Variants in COL3A1 observed in about 807,000 individuals in gnomAD.
COL3A1 encodes collagen alpha-1(III) chain.
In COL3A1, 46 loss-of-function variants were observed where a neutral mutation model predicts 200.9. That is an observed-to-expected ratio of 0.23 (90% CI 0.18 to 0.29). The LOEUF is 0.29. Among genes scored for constraint, COL3A1 ranks in the 10% least tolerant of loss-of-function variants. COL3A1 has a pLI of 1.00. For synonymous variants in COL3A1, 650 were observed against 628.0 expected (o/e 1.03, Z -0.52); for missense variants, 1,367 against 1,917.6 (o/e 0.71, Z 5.36).
At chr2:188,985,548 G>GA in intron 3 of COL3A1, 117 bp from the exon 4 acceptor site, 1 of 725,402 alleles carries the variant, frequency 1.4e-6, no homozygotes, top group Non-Finnish European at 2.3e-6. Context: ...GTGTTATAAA[G>GA]AAAATATATT....
chr2:188,995,144 A>C, intron 21 of COL3A1, 45 bp downstream of exon 21: 1 of 1,532,568 alleles, frequency 6.5e-7, no homozygotes, highest in Non-Finnish European at 9.0e-7. Context: ...AGCACCACAA[A>C]TGGGCAGTTC....
chr2:188,985,682 T>C lies in COL3A1; in HGVS notation c.351T>C (p.Pro117=), dbSNP rs1688051800. 1.9e-6 allele frequency: 3 copies of C among 1,610,140 alleles called. No homozygotes were observed. Among genetic ancestry groups the C allele is most frequent in the African/African-American group, 1.3e-5 (1 of 74,860 alleles). ...PKGDPGPPGI[P]GRNGDPGIPG... ...TTTTTTAGGGCCCTCCTGGTATTCC[T>C]GGGAGAAATGGTGACCCTGGTATTC... Residue 117 remains proline, a synonymous_variant, in exon 4 of 51, where the codon CCT becomes CCC. Coordinates refer to ENST00000304636, the MANE Select transcript of COL3A1 (RefSeq NM_000090.4).
At chr2:188,981,170 G>C (rs958984384) in intron 1 of COL3A1, among the ~76,000 whole-genome samples, 1 of 151,416 alleles carries the variant, frequency 6.6e-6, no homozygotes, top group Non-Finnish European at 1.5e-5. Flanking sequence ...TCACAAAATA[G>C]TAAGCTTTAT....
Position 189,012,287 on chromosome 2 carries a change from G to A in COL3A1, c.*513G>A, listed in dbSNP as rs1206044440. On this transcript the variant is annotated 3_prime_UTR_variant, in exon 51 of 51. Coordinates refer to ENST00000304636, the MANE Select transcript of COL3A1 (RefSeq NM_000090.4). ...ATAAATTTCATTGATTAATCTCCTG[G>A]AAGATTGGTTTAAAAAGAAAAGTGT... is the stretch of plus-strand genomic sequence containing the variant. The A allele has an allele frequency of 1.3e-5, 2 of 152,802 alleles. No individual in the cohort carries two copies. The highest frequency in any genetic ancestry group is 4.8e-5 in the African/African-American group (2 of 41,426). 9.5% of individuals were successfully genotyped at this position (152,802 alleles called of 1,614,324 possible).
Position 188,997,740 on chromosome 2 carries a change from C to T in COL3A1, c.1910C>T (p.Pro637Leu), listed in dbSNP as rs1443018018. ...GDKGDTGPPGPQGLQGLPGTG... is the reference protein window; with the variant it reads ...GDKGDTGPPGLQGLQGLPGTG... Reference sequence around the variant, plus strand: ...AAAGGAGACACAGGACCCCCTGGTCCACAAGGATTACAAGTAAGAACTTGT... The same window carrying T: ...AAAGGAGACACAGGACCCCCTGGTCTACAAGGATTACAAGTAAGAACTTGT... The change falls in exon 27 of 51, where the codon CCA becomes CTA. Residue 637 changes from proline (P) to leucine (L), a missense_variant. By Grantham distance (98) the Pro-to-Leu change is moderately conservative. Around this residue, in one of 5 missense-constraint regions of COL3A1, gnomAD observed 846 missense variants for 1,147.9 expected, o/e 0.74. Coordinates refer to ENST00000304636, the MANE Select transcript of COL3A1 (RefSeq NM_000090.4). The T allele has an allele frequency of 1.2e-6, 2 of 1,613,986 alleles. No homozygotes were observed. Among genetic ancestry groups the T allele is most frequent in the Admixed American group, 3.3e-5 (2 of 60,016 alleles).
chr2:188,995,343 T>C (rs144051743), intron 21 of COL3A1, among the ~76,000 whole-genome samples: 1 of 152,306 alleles, frequency 6.6e-6, no homozygotes, highest in African/African-American at 2.4e-5. Flanking sequence ...CTGAGCATCG[T>C]TGCAAGAGTA....
chr2:188,995,910 C>T, intron 22 of COL3A1, 120 bp downstream of exon 22: 1 of 1,029,734 alleles, frequency 9.7e-7, no homozygotes, highest in South Asian at 1.5e-5. Context: ...AGGCACCAAA[C>T]AAAACAAAAT....
chr2:188,989,363 A>T, intron 7 of COL3A1, 33 bp from the exon 8 acceptor site: 1 of 1,515,662 alleles, frequency 6.6e-7, no homozygotes, highest in Non-Finnish European at 9.0e-7. Flanking sequence ...AAAAATTTAC[A>T]AATCTATTCA....
In COL3A1 at chr2:188,994,662, T is replaced by C; in HGVS notation, c.1348-62T>C. 1 of 1,612,266 alleles carries C rather than the reference T, an allele frequency of 6.2e-7. No individual in the cohort carries two copies. Among genetic ancestry groups the C allele is most frequent in the Non-Finnish European group, 8.5e-7 (1 of 1,178,566 alleles). ...GCAACATAATTAGAAAGTAAACAGG[T>C]AAAAACTTTGAACTAAATTCAGTCA... On this transcript the variant is annotated intron_variant, in intron 19 of 50. Transcript: ENST00000304636. This position sits in a 1 kb window ranked among gnomAD's most constrained non-coding sequence, Gnocchi z 4.5.
At chr2:189,001,724 A>G in intron 34 of COL3A1, 135 bp downstream of exon 34, 3 of 864,040 alleles carry the variant, frequency 3.5e-6, no homozygotes, top group Non-Finnish European at 5.8e-6. Context: ...AAACCATATA[A>G]GGAACCATAT....
In COL3A1 at chr2:189,004,137, C is replaced by T; in HGVS notation, c.2817C>T (p.Gly939=). 1 of 1,613,888 alleles carries T rather than the reference C, an allele frequency of 6.2e-7. No homozygotes were observed. The highest frequency in any genetic ancestry group is 8.5e-7 in the Non-Finnish European group (1 of 1,179,980). The change falls in exon 39 of 51, where the codon GGC becomes GGT. Residue 939 remains glycine, a synonymous_variant. Coordinates refer to ENST00000304636, the MANE Select transcript of COL3A1 (RefSeq NM_000090.4). The stretch of plus-strand genomic sequence containing the variant: ...AGAAGGGATCGCCTGGTGCCCAGGG[C>T]CCACCAGTAAGTAACTTCATTTTTT... ...PGEKGSPGAQ[G]PPGAPGPLGI...
rs1239969921 is a variant in COL3A1 at position 188,985,164 on chromosome 2, TCTTGTTTAA to T, written c.283-25_283-17del. 5 of 1,603,488 alleles carry T rather than the reference TCTTGTTTAA, an allele frequency of 3.1e-6. No homozygotes were observed. The Middle Eastern group carries it at 5.0e-4, about 159-fold the overall frequency. On this transcript the variant is annotated intron_variant, in intron 2 of 50. Coordinates refer to ENST00000304636, the MANE Select transcript of COL3A1 (RefSeq NM_000090.4). ...TACTAAATAATATGCAAATTCTGTG[TCTTGTTTAA>T]CTTGTTTCTTTTCCATTTATTAGCC...
intron 1 of COL3A1, among the ~76,000 whole-genome samples, chr2:188,976,396 A>G (rs902734319): frequency 2.0e-5 from 3 of 152,090 alleles, no homozygotes; most frequent in African/African-American, 7.2e-5. Context: ...TTTTGCTGAT[A>G]TGTGTTTGTG....
Position 188,994,274 on chromosome 2 carries a change from C to A in COL3A1, c.1235C>A (p.Ala412Asp), listed in dbSNP as rs1057519250. 10 of 1,613,792 alleles carry A rather than the reference C, an allele frequency of 6.2e-6. No homozygotes were observed. The African/African-American group carries it at 1.1e-4, about 17-fold the overall frequency. ...CCTGGAGCTCCTGGACTGATGGGAG[C>A]CCGGGGTCCTCCAGGACCAGCCGGT... ...GIPGAPGLMGARGPPGPAGAN... is the reference protein window; with the variant it reads ...GIPGAPGLMGDRGPPGPAGAN... Residue 412 changes from alanine to aspartate, a missense_variant, in exon 18 of 51, where the codon GCC becomes GAC. Ala to Asp is a moderately radical substitution (Grantham distance 126, BLOSUM62 -2). Transcript: ENST00000304636. This position sits in a 1 kb window ranked among gnomAD's most constrained non-coding sequence, Gnocchi z 4.5.
At chr2:189,004,437 G>C (rs1162650632) in intron 40 of COL3A1, 73 bp downstream of exon 40, 1 of 1,406,754 alleles carries the variant, frequency 7.1e-7, no homozygotes, top group Admixed American at 2.1e-5. Flanking sequence ...CCATATCAAG[G>C]ATGAAAAGTT....
At chr2:189,003,917 T>A in intron 38 of COL3A1, 65 bp from the exon 39 acceptor site, 1 of 1,567,410 alleles carries the variant, frequency 6.4e-7, no homozygotes. Flanking sequence ...TTGAAGTAAG[T>A]AAAAAAAGAA....
intron 49 of COL3A1, 126 bp downstream of exon 49, chr2:189,010,491 G>C (rs1688697859): frequency 5.4e-6 from 8 of 1,475,820 alleles, no homozygotes; most frequent in Non-Finnish European, 7.5e-6. Flanking sequence ...GCTACTGAAA[G>C]TGATGGCATG....
At chr2:188,990,073 G>T in intron 8 of COL3A1, 23 bp from the exon 9 acceptor site, 1 of 1,611,208 alleles carries the variant, frequency 6.2e-7, no homozygotes, top group South Asian at 1.1e-5. Flanking sequence ...GAGCACCTAC[G>T]TATTCTTTAT....
At chr2:188,986,187 T>C (rs941513547) in intron 4 of COL3A1, among the ~76,000 whole-genome samples, 67 of 152,054 alleles carry the variant, frequency 4.4e-4, no homozygotes, top group Admixed American at 3.9e-3. Context: ...GTTGAAGAAC[T>C]GTTAGTATTC....
Sources: gnomAD v4.1 joint callset for allele counts (sites outside exome capture counted in the v4.1 genomes callset) on GRCh38, gnomAD v4.1.1 for gene constraint, gnomAD v4.1.1 regional missense constraint, Gnocchi (gnomAD v3.1) non-coding constraint, MANE v1.5 for transcripts, NCBI Gene and HGNC (gene_info 2026-07-23, HGNC 2026-07-21) for gene names.